The following HTR4 variants were observed in gnomAD, a reference collection of about 807,000 sequenced individuals.
The protein encoded by HTR4 is 5-hydroxytryptamine receptor 4, also known as 5-hydroxytryptamine (serotonin) receptor 4, G protein-coupled.
Under a neutral mutation model 36.8 loss-of-function variants are expected in HTR4, and 16 were observed. That is an observed-to-expected ratio of 0.43 (90% CI 0.29 to 0.66). HTR4 has a LOEUF of 0.66. Among genes scored for constraint, HTR4 ranks in the 30% least tolerant of loss-of-function variants. The pLI is 0.13. For synonymous variants in HTR4, 189 were observed against 185.1 expected, an observed-to-expected ratio of 1.02 and a Z score of -0.17; for missense variants, 438 against 490.9, an observed-to-expected ratio of 0.89 and a Z score of 1.02.
chr5:148,511,114 T>C (rs1229122523), intron 5 of HTR4, among the ~76,000 whole-genome samples: 1 of 151,250 alleles, frequency 6.6e-6, no homozygotes. Context: ...CCATTCCTCC[T>C]TTTAAATGAG....
At position 148,483,030 on chromosome 5, in the gene HTR4, G is replaced by T; in HGVS notation, c.*173C>A. ...CCATTATGTCCCCTGACTCCCTCCA[G>T]CGCCACCTGCTGGAATCTCAGAGGA... On this transcript the variant is annotated 3_prime_UTR_variant, in exon 7 of 7. Transcript: ENST00000377888. 1 of 1,454,234 alleles carries T rather than the reference G, an allele frequency of 6.9e-7. No individual in the cohort carries two copies. 90.1% of individuals were successfully genotyped at this position (1,454,234 alleles called of 1,614,324 possible).
Position 148,579,001 on chromosome 5 carries a change from G to T in HTR4, c.27-28739C>A, listed in dbSNP as rs145232593. Among the ~76,000 whole-genome samples, 137 of 152,154 alleles carry T rather than the reference G, an allele frequency of 9.0e-4. 2 individuals are homozygous for T. In the East Asian group the frequency reaches 0.022, roughly 24 times the overall value. On this transcript the variant is annotated intron_variant, in intron 2 of 6. Coordinates refer to ENST00000377888, the MANE Select transcript of HTR4 (RefSeq NM_000870.7). ...ATCCTTCAGAAACTCTATAGAACCT[G>T]TAGCAATGCCCAGTCTTTTGATTTC...
At chr5:148,499,185 A>C (rs1756824533) in intron 6 of HTR4, among the ~76,000 whole-genome samples, 1 of 152,202 alleles carries the variant, frequency 6.6e-6, no homozygotes, top group Non-Finnish European at 1.5e-5. Context: ...AATGACAATG[A>C]TCATAATACC....
At chr5:148,495,190 T>A in intron 6 of HTR4, among the ~76,000 whole-genome samples, 1 of 152,174 alleles carries the variant, frequency 6.6e-6, no homozygotes, top group East Asian at 1.9e-4. Flanking sequence ...TTATAAATAG[T>A]CTGTTCTTAA....
chr5:148,451,301 A>G (rs771416974), intron 5 of HTR4: 3 of 1,613,246 alleles, frequency 1.9e-6, no homozygotes, highest in Non-Finnish European at 2.5e-6. Context: ...AGGCATGAGA[A>G]TTCAACAGGC....
chr5:148,617,623 C>G (rs1233372479), intron 2 of HTR4, among the ~76,000 whole-genome samples: 4 of 151,948 alleles, frequency 2.6e-5, no homozygotes, highest in Non-Finnish European at 4.4e-5. Flanking sequence ...TGCACGCCAC[C>G]ACACCCAGCT....
At chr5:148,596,298 C>T (rs1046611819) in intron 2 of HTR4, among the ~76,000 whole-genome samples, 1 of 152,112 alleles carries the variant, frequency 6.6e-6, no homozygotes, top group South Asian at 2.1e-4. Flanking sequence ...TTATCACTAC[C>T]TCACTAATAA....
At chr5:148,495,907 G>A (rs544764780) in intron 6 of HTR4, among the ~76,000 whole-genome samples, 2 of 152,034 alleles carry the variant, frequency 1.3e-5, no homozygotes, top group Non-Finnish European at 2.9e-5. Flanking sequence ...TCGAGACCAG[G>A]CTGGCCAACA....
At chr5:148,585,845 ACT>A (rs1375598470) in intron 2 of HTR4, among the ~76,000 whole-genome samples, 1 of 151,360 alleles carries the variant, frequency 6.6e-6, no homozygotes, top group African/African-American at 2.4e-5. Context: ...ATTTCCTACC[ACT>A]CTCTCATTTC....
chr5:148,557,874 G>A (rs1312804842), intron 2 of HTR4, among the ~76,000 whole-genome samples: 1 of 151,014 alleles, frequency 6.6e-6, no homozygotes, highest in Non-Finnish European at 1.5e-5. Context: ...AAGCAAGGAG[G>A]CAGGGAAACT....
At chr5:148,587,629 A>G (rs962034437) in intron 2 of HTR4, among the ~76,000 whole-genome samples, 2 of 152,140 alleles carry the variant, frequency 1.3e-5, no homozygotes, top group African/African-American at 4.8e-5. Flanking sequence ...ATCCTCCTTC[A>G]CTAATTTGTG....
At chr5:148,519,975 T>C (rs1757935321) in intron 5 of HTR4, among the ~76,000 whole-genome samples, 1 of 152,158 alleles carries the variant, frequency 6.6e-6, no homozygotes, top group South Asian at 2.1e-4. Context: ...ATGACTGCAA[T>C]GCTAACGAGT....
intron 2 of HTR4, among the ~76,000 whole-genome samples, chr5:148,622,122 A>G (rs1301915021): frequency 1.3e-5 from 2 of 152,112 alleles, no homozygotes; most frequent in East Asian, 3.8e-4. Flanking sequence ...TGTCTACCTG[A>G]TCATTCCTCC....
At chr5:148,636,262 A>G (rs530560220) in intron 2 of HTR4, among the ~76,000 whole-genome samples, 1 of 152,296 alleles carries the variant, frequency 6.6e-6, no homozygotes, top group African/African-American at 2.4e-5. Flanking sequence ...AGAGGTCTCA[A>G]GTGAATGAAA....
intron 4 of HTR4, among the ~76,000 whole-genome samples, chr5:148,536,468 C>A (rs543084915): frequency 1.0e-3 from 153 of 151,696 alleles, no homozygotes; most frequent in African/African-American, 3.6e-3. Context: ...AAAAGTGTGA[C>A]CCAATGGTAT....
chr5:148,569,228 T>C (rs1169072827), intron 2 of HTR4, among the ~76,000 whole-genome samples: 1 of 152,096 alleles, frequency 6.6e-6, no homozygotes, highest in African/African-American at 2.4e-5. Context: ...CCTTTTGTTA[T>C]ATCTAAAATA....
intron 2 of HTR4, among the ~76,000 whole-genome samples, chr5:148,563,346 T>A (rs1338586191): frequency 6.6e-6 from 1 of 152,210 alleles, no homozygotes; most frequent in African/African-American, 2.4e-5. Context: ...TCTGCTCAGA[T>A]TCATCTCTGC....
At chr5:148,538,035 A>G (rs1356984345) in intron 4 of HTR4, among the ~76,000 whole-genome samples, 2 of 152,148 alleles carry the variant, frequency 1.3e-5, no homozygotes, top group Admixed American at 6.6e-5. Context: ...ATCCACCACA[A>G]TCAAGTAAGC....
At chr5:148,571,515 C>A (rs114922740) in intron 2 of HTR4, among the ~76,000 whole-genome samples, 10 of 151,882 alleles carry the variant, frequency 6.6e-5, no homozygotes, top group African/African-American at 2.2e-4. Context: ...TGTATAGATA[C>A]GTTAGATTAC....
Sources: allele counts gnomAD v4.1 joint callset (sites outside exome capture counted in the v4.1 genomes callset), GRCh38; gene constraint gnomAD v4.1.1; transcripts MANE v1.5; gene names NCBI Gene and HGNC (gene_info 2026-07-23, HGNC 2026-07-21).